The following MACROD2 variants were observed in gnomAD, a reference collection of about 807,000 sequenced individuals.
MACROD2 encodes the protein mono-ADP ribosylhydrolase 2, also known as ADP-ribose glycohydrolase MACROD2.
A neutral mutation model predicts 70.4 loss-of-function variants in MACROD2; 36 were observed. The observed-to-expected ratio is 0.51, with a 90% CI of 0.39 to 0.68. The LOEUF is 0.68. Ranked by LOEUF, MACROD2 falls within the 30% of genes least tolerant of loss-of-function variation. The pLI is 0.00. For synonymous variants in MACROD2, 172 were observed against 178.8 expected, an observed-to-expected ratio of 0.96 and a Z score of 0.30; for missense variants, 496 against 538.4, an observed-to-expected ratio of 0.92 and a Z score of 0.78.
chr20:15,216,660 G>A (rs745393544), intron 5 of MACROD2, among the ~76,000 whole-genome samples: 1 of 152,098 alleles, frequency 6.6e-6, no homozygotes, highest in South Asian at 2.1e-4. Context: ...CTCAGGCTTC[G>A]ACCCTCACGA....
At chr20:15,314,701 T>G (rs2077790305) in intron 6 of MACROD2, among the ~76,000 whole-genome samples, 1 of 152,164 alleles carries the variant, frequency 6.6e-6, no homozygotes. Context: ...CTTGAAAATA[T>G]TATAGGGTCA....
chr20:15,911,500 G>A (rs1018056202), intron 10 of MACROD2, among the ~76,000 whole-genome samples: 1 of 151,204 alleles, frequency 6.6e-6, no homozygotes, highest in Non-Finnish European at 1.5e-5. Context: ...TTTCAGGAAA[G>A]CGTTAACACT....
chr20:15,721,183 A>G (rs919695159), intron 8 of MACROD2, among the ~76,000 whole-genome samples: 1 of 152,178 alleles, frequency 6.6e-6, no homozygotes, highest in African/African-American at 2.4e-5. Flanking sequence ...TTAAAAGCAC[A>G]TTCATGGTGC....
chr20:15,749,836 C>A (rs1445118581), intron 8 of MACROD2, among the ~76,000 whole-genome samples: 2 of 151,970 alleles, frequency 1.3e-5, no homozygotes, highest in African/African-American at 4.8e-5. Context: ...CTATCTCTCG[C>A]TACATACAAA....
chr20:15,954,224 C>T (rs191951137), intron 12 of MACROD2, among the ~76,000 whole-genome samples: 1 of 152,246 alleles, frequency 6.6e-6, no homozygotes, highest in East Asian at 1.9e-4. Context: ...ATAATACCCT[C>T]AGGTTTCCCT....
chr20:15,134,802 A>G (rs1407477855), intron 5 of MACROD2, among the ~76,000 whole-genome samples: 1 of 152,194 alleles, frequency 6.6e-6, no homozygotes, highest in Non-Finnish European at 1.5e-5. Flanking sequence ...AAGGATCAAC[A>G]AAATTGATAG....
At chr20:15,636,678 A>C (rs1469064686) in intron 8 of MACROD2, among the ~76,000 whole-genome samples, 1 of 152,164 alleles carries the variant, frequency 6.6e-6, no homozygotes, top group Non-Finnish European at 1.5e-5. Context: ...GTGATAGGGC[A>C]GAAAGTGCTC....
chr20:15,197,036 A>G, intron 5 of MACROD2: 1 of 985,340 alleles, frequency 1.0e-6, no homozygotes, highest in Non-Finnish European at 1.2e-6. Flanking sequence ...TATGCAGGTG[A>G]GTATTTTGCT....
intron 8 of MACROD2, among the ~76,000 whole-genome samples, chr20:15,554,281 A>G (rs2048136682): frequency 6.6e-6 from 1 of 152,148 alleles, no homozygotes; most frequent in Non-Finnish European, 1.5e-5. Context: ...AAGAGAGAGG[A>G]ATTTGCTCCG....
chr20:14,208,036 T>C (rs973816396), intron 3 of MACROD2, among the ~76,000 whole-genome samples: 1 of 152,204 alleles, frequency 6.6e-6, no homozygotes, highest in Non-Finnish European at 1.5e-5. Context: ...TGTTGGAAAT[T>C]GATATGTTGA....
At chr20:15,335,070 G>A (rs1391313434) in intron 6 of MACROD2, among the ~76,000 whole-genome samples, 1 of 151,698 alleles carries the variant, frequency 6.6e-6, no homozygotes, top group East Asian at 1.9e-4. Context: ...AGTCTAGACT[G>A]TTTTCTTACA....
Position 15,157,349 on chromosome 20 carries a change from A to AC in MACROD2, c.419-72582dup, listed in dbSNP as rs71870874. Among the ~76,000 whole-genome samples the AC allele has an allele frequency of 5.5e-3, 600 of 108,662 alleles. 13 individuals carry two copies. Among genetic ancestry groups the AC allele is most frequent in the South Asian group, 0.012 (34 of 2,752 alleles). The allele number at this position is 108,662 out of a possible 152,430, so 71.3% of individuals were successfully genotyped here. Reference sequence around the variant, plus strand: ...TGACCTCATCTAAATCTAATTAACCACCCCCCCCCACCTCCCCCCCCCCCG... The same window carrying AC: ...TGACCTCATCTAAATCTAATTAACCACCCCCCCCCCACCTCCCCCCCCCCCG... On this transcript the variant is annotated intron_variant, in intron 5 of 17. Transcript: ENST00000684519.
At chr20:15,002,646 G>A (rs59245673) in intron 5 of MACROD2, among the ~76,000 whole-genome samples, 3,421 of 152,202 alleles carry the variant, frequency 0.022, 134 homozygotes, top group African/African-American at 0.077. Context: ...TATGGGGACC[G>A]GTGAGGTAAC....
At chr20:15,132,101 C>T (rs968385765) in intron 5 of MACROD2, among the ~76,000 whole-genome samples, 1 of 151,684 alleles carries the variant, frequency 6.6e-6, no homozygotes, top group African/African-American at 2.4e-5. Flanking sequence ...TAAATCCAAG[C>T]CAAGAAAAGG....
At chr20:14,628,172 C>A (rs1984293787) in intron 4 of MACROD2, among the ~76,000 whole-genome samples, 1 of 152,106 alleles carries the variant, frequency 6.6e-6, no homozygotes, top group South Asian at 2.1e-4. Context: ...TAGGATCAGA[C>A]CAAGGAGTGT....
intron 3 of MACROD2, among the ~76,000 whole-genome samples, chr20:14,372,016 A>G (rs1372066539): frequency 6.6e-6 from 1 of 151,956 alleles, no homozygotes; most frequent in Non-Finnish European, 1.5e-5. Context: ...CTTTGTGATT[A>G]TTTGATTAAT....
intron 12 of MACROD2, among the ~76,000 whole-genome samples, chr20:15,938,220 T>C (rs2065696118): frequency 6.6e-6 from 1 of 152,210 alleles, no homozygotes; most frequent in Admixed American, 6.5e-5. Context: ...TCCTGGTTCA[T>C]TGGCAAGTCC....
At chr20:15,093,970 A>T (rs1351684396) in intron 5 of MACROD2, among the ~76,000 whole-genome samples, 1 of 152,172 alleles carries the variant, frequency 6.6e-6, no homozygotes, top group African/African-American at 2.4e-5. Flanking sequence ...CCAGCTTATC[A>T]CCTGGGCTTC....
intron 5 of MACROD2, among the ~76,000 whole-genome samples, chr20:15,191,395 A>G (rs1192342053): frequency 1.3e-5 from 2 of 152,200 alleles, no homozygotes; most frequent in Non-Finnish European, 2.9e-5. Context: ...TGAGGTGGGA[A>G]GCCATTAGGA....
Sources: allele counts gnomAD v4.1 joint callset (sites outside exome capture counted in the v4.1 genomes callset), GRCh38; gene constraint gnomAD v4.1.1; transcripts MANE v1.5; gene names NCBI Gene and HGNC (gene_info 2026-07-23, HGNC 2026-07-21).